The following FAM228B variants were observed in gnomAD, a reference collection of about 807,000 sequenced individuals.
FAM228B encodes family with sequence similarity 228 member B, also known as protein FAM228B.
Under a neutral mutation model 42.6 loss-of-function variants are expected in FAM228B, and 38 were observed. The ratio of observed to expected loss-of-function variants is 0.89; its 90% CI spans 0.69 to 1.17. The LOEUF (loss-of-function observed/expected upper bound fraction) is 1.17, where lower values mean the gene tolerates loss of function less well. Ranked by LOEUF, FAM228B falls within the 50% of genes most tolerant of loss-of-function variation. The pLI is 0.00. For synonymous variants in FAM228B, 109 were observed against 122.3 expected (o/e 0.89, Z 0.72); for missense variants, 344 against 367.3 (o/e 0.94, Z 0.52).
At chr2:24,120,161 C>A (rs922764064), upstream of FAM228B, among the ~76,000 whole-genome samples, 1 of 151,886 alleles carries the variant, frequency 6.6e-6, no homozygotes, top group African/African-American at 2.4e-5. Flanking sequence ...CCCAGCTACT[C>A]GGTAAGCTGA....
chr2:24,100,269 G>A (rs1310181690), intron 3 of FAM228B, among the ~76,000 whole-genome samples: 1 of 152,116 alleles, frequency 6.6e-6, no homozygotes, highest in African/African-American at 2.4e-5. Flanking sequence ...TTGACAAAAG[G>A]GATCTAATTA....
chr2:24,103,042 C>T (rs1392901126), intron 3 of FAM228B, among the ~76,000 whole-genome samples: 6 of 152,214 alleles, frequency 3.9e-5, no homozygotes, highest in Admixed American at 1.3e-4. Flanking sequence ...CACTGTTTCT[C>T]ACTGATACTT....
intron 7 of FAM228B, among the ~76,000 whole-genome samples, chr2:24,153,209 A>G (rs1235685114): frequency 6.6e-6 from 1 of 152,154 alleles, no homozygotes; most frequent in African/African-American, 2.4e-5. Context: ...CTGGGACCTA[A>G]GGTGCAAAAC....
Position 24,164,209 on chromosome 2 carries a change from C to A in FAM228B, c.806C>A (p.Ser269Ter). Residue 269 changes from serine (S) to a stop codon, truncating the protein, a stop_gained, in exon 9 of 11, where the codon TCA becomes TAA. Coordinates refer to ENST00000615575, the MANE Select transcript of FAM228B (RefSeq NM_001145710.2). LOFTEE classifies it high-confidence loss of function. ...EKTVIYKNKG[S>*]SFLEREPLCY... Reference sequence around the variant, plus strand: ...GTTCCTTCCTGCAGAAACAAAGGGTCATCCTTTCTAGAAAGAGAACCGCTG... The same window carrying A: ...GTTCCTTCCTGCAGAAACAAAGGGTAATCCTTTCTAGAAAGAGAACCGCTG... 6.5e-7 allele frequency: 1 copy of A among 1,550,036 alleles called. No individual in the cohort carries two copies. The highest frequency in any genetic ancestry group is 1.2e-5 in the South Asian group (1 of 83,858).
intron 9 of FAM228B, chr2:24,165,228 A>G: frequency 3.3e-6 from 1 of 300,972 alleles, no homozygotes; most frequent in South Asian, 3.0e-5. Context: ...GCTGGCACCG[A>G]TGTCTCCAGC....
At chr2:24,156,488 G>T (rs1158805914) in intron 7 of FAM228B, among the ~76,000 whole-genome samples, 1 of 152,070 alleles carries the variant, frequency 6.6e-6, no homozygotes, top group East Asian at 1.9e-4. Flanking sequence ...CAAAAAATCA[G>T]CCAGGCATGG....
rs890869837 is a variant in FAM228B at position 24,095,130 on chromosome 2, T to G, written c.-209-11T>G. 1 of 152,206 alleles carries G rather than the reference T, an allele frequency of 6.6e-6. No individual in the cohort carries two copies. Among genetic ancestry groups the G allele is most frequent in the African/African-American group, 2.4e-5 (1 of 41,442 alleles). The allele number at this position is 152,206 out of a possible 1,614,324, so 9.4% of individuals were successfully genotyped here. A position where few individuals can be genotyped will look rare whatever the true frequency, so the allele number is the denominator to read the frequency against. ...CATCCACTAAGAAAGACCCAAACTCTTCTTTAACAGTTAAAAGTTTAACAA... is the reference window on the plus strand; with the variant it reads ...CATCCACTAAGAAAGACCCAAACTCGTCTTTAACAGTTAAAAGTTTAACAA... On this transcript the variant is annotated splice_polypyrimidine_tract_variant and intron_variant, in intron 2 of 10. Transcript: ENST00000613899. The surrounding 1 kb of genome is among the most constrained non-coding windows in gnomAD (Gnocchi z 4.8).
upstream of FAM228B, among the ~76,000 whole-genome samples, chr2:24,121,495 CATAAAT>C (rs1373078327): frequency 1.3e-5 from 2 of 152,158 alleles, no homozygotes; most frequent in African/African-American, 4.8e-5. Flanking sequence ...CTTCAGTATC[CATAAAT>C]ATAAAATTTT....
chr2:24,159,567 C>G (rs974908326), intron 7 of FAM228B, among the ~76,000 whole-genome samples: 2 of 152,110 alleles, frequency 1.3e-5, no homozygotes, highest in African/African-American at 4.8e-5. Flanking sequence ...TTGGGTACAT[C>G]CAAGAGGAAA....
At chr2:24,164,663 C>T (rs36101491) in intron 9 of FAM228B, among the ~76,000 whole-genome samples, 33,102 of 152,106 alleles carry the variant, frequency 0.22, 4,150 homozygotes, top group Non-Finnish European at 0.28. Flanking sequence ...TCTCTCAGTC[C>T]GCCATCTCCA....
rs548264853 is a variant in FAM228B, at chr2:24,132,464, G to GTTTTT, written c.100-2633_100-2629dup. Among the ~76,000 whole-genome samples the GTTTTT allele has an allele frequency of 6.8e-4, 38 of 56,004 alleles. 3 individuals are homozygous for GTTTTT. Among genetic ancestry groups the GTTTTT allele is most frequent in the African/African-American group, 1.4e-3 (22 of 15,700 alleles). The allele number at this position is 56,004 out of a possible 152,430, so 36.7% of individuals were successfully genotyped here. Reference sequence around the variant, plus strand: ...CATGAATCCCTCTGGTCCTGGGATTGTTTTTTTTTTTTTTTTTTTTTTTTT... The same window carrying GTTTTT: ...CATGAATCCCTCTGGTCCTGGGATTGTTTTTTTTTTTTTTTTTTTTTTTTTTTTTT... On this transcript the variant is annotated intron_variant, in intron 2 of 10. Coordinates refer to ENST00000615575, the MANE Select transcript of FAM228B (RefSeq NM_001145710.2).
intron 3 of FAM228B, among the ~76,000 whole-genome samples, chr2:24,114,149 G>A (rs1266272734): frequency 2.0e-5 from 3 of 152,158 alleles, no homozygotes; most frequent in African/African-American, 7.2e-5. Flanking sequence ...TTTGAATTCT[G>A]TACCTCACTG....
At chr2:24,083,704 GA>G (rs1665118771) in intron 2 of FAM228B, among the ~76,000 whole-genome samples, 1 of 152,178 alleles carries the variant, frequency 6.6e-6, no homozygotes, top group South Asian at 2.1e-4. Flanking sequence ...TCAGACAGAA[GA>G]AAATTCTTAA....
chr2:24,165,807 C>T (rs901724587), intron 9 of FAM228B: 3 of 205,114 alleles, frequency 1.5e-5, no homozygotes, highest in Non-Finnish European at 3.1e-5. Flanking sequence ...TTTGGGAGGC[C>T]GAGGTGGGCA....
intron 7 of FAM228B, among the ~76,000 whole-genome samples, chr2:24,156,160 A>G (rs1180570275): frequency 1.3e-5 from 2 of 152,200 alleles, no homozygotes; most frequent in African/African-American, 4.8e-5. Context: ...TTTTCCACAC[A>G]TAAGTCAAAT....
At chr2:24,107,617 T>A (rs1363133488) in intron 3 of FAM228B, among the ~76,000 whole-genome samples, 1 of 152,090 alleles carries the variant, frequency 6.6e-6, no homozygotes, top group Non-Finnish European at 1.5e-5. Context: ...AAATCAATAC[T>A]AAGAAAATCA....
intron 5 of FAM228B, among the ~76,000 whole-genome samples, chr2:24,143,052 C>T (rs770899544): frequency 1.3e-5 from 2 of 152,178 alleles, no homozygotes; most frequent in South Asian, 2.1e-4. Context: ...TCAGATTCCA[C>T]ATCATAACTA....
At chr2:24,121,210 C>G (rs149321469), upstream of FAM228B, 2 of 1,614,076 alleles carry the variant, frequency 1.2e-6, no homozygotes, top group Non-Finnish European at 1.7e-6. Flanking sequence ...CATCTGTAAT[C>G]TTTTCCCTTG....
At chr2:24,135,210 A>G (rs1011592673) in intron 3 of FAM228B, 23 bp downstream of exon 3, 9 of 1,290,466 alleles carry the variant, frequency 7.0e-6, no homozygotes, top group African/African-American at 1.5e-5. Context: ...TACAAAATGC[A>G]TCTCAGTTAA....
Sources: gnomAD v4.1 joint callset for allele counts (sites outside exome capture counted in the v4.1 genomes callset) on GRCh38, gnomAD v4.1.1 for gene constraint, Gnocchi (gnomAD v3.1) non-coding constraint, MANE v1.5 for transcripts, NCBI Gene and HGNC (gene_info 2026-07-23, HGNC 2026-07-21) for gene names.